DEF8: variants seen among roughly 807,000 people sequenced by gnomAD.
DEF8 encodes differentially expressed in FDCP 8 homolog.
A neutral mutation model predicts 59.1 loss-of-function variants in DEF8; 38 were observed. The observed-to-expected ratio is 0.64, with a 90% confidence interval of 0.50 to 0.84. DEF8 has a LOEUF of 0.84. DEF8 is among the 40% of genes least tolerant of loss of function. DEF8 has a pLI of 0.00. For missense variants in DEF8, 557 were observed against 615.2 expected (o/e 0.91, Z 1.00); for synonymous variants, 265 against 250.1 (o/e 1.06, Z -0.56).
rs767831730 is a variant in DEF8 at position 89,961,860 on chromosome 16, G to A, written c.803G>A (p.Arg268Gln). The A allele has an allele frequency of 3.2e-5, 51 of 1,599,836 alleles. 1 individual carries two copies. Among genetic ancestry groups the A allele is most frequent in the Non-Finnish European group, 1.0e-5 (12 of 1,171,142 alleles). Residue 268 changes from arginine (R) to glutamine (Q), a missense_variant, in exon 8 of 13, where the codon CGA becomes CAA. Coordinates refer to ENST00000563594, the MANE Select transcript of DEF8 (RefSeq NM_001242818.2). ...GTACACAACTGGGACTTTGAGCCTCGAAAGGTGGGGGTTGGAAGGTGGGGG... is the reference window on the plus strand; with the variant it reads ...GTACACAACTGGGACTTTGAGCCTCAAAAGGTGGGGGTTGGAAGGTGGGGG... ...RVVHNWDFEP[R>Q]KVSRCSMRYL...
intron 9 of DEF8, 57 bp from the exon 10 acceptor site, chr16:89,963,306 C>G (rs1003660854): frequency 2.0e-5 from 30 of 1,517,352 alleles, no homozygotes; most frequent in Non-Finnish European, 2.7e-5. Context: ...GCGGCCCACA[C>G]AGGGGCCGCC....
chr16:89,949,854 G>C (rs2031664921), intron 2 of DEF8, among the ~76,000 whole-genome samples: 1 of 152,206 alleles, frequency 6.6e-6, no homozygotes, highest in South Asian at 2.1e-4. Flanking sequence ...CCACATCTGG[G>C]TGCAGAACTG....
chr16:89,964,483 C>T lies in DEF8; in HGVS notation c.1161C>T (p.Gly387=), dbSNP rs1289886007. 6.3e-7 allele frequency: 1 copy of T among 1,595,128 alleles called. No homozygotes were observed. The highest frequency in any genetic ancestry group is 1.3e-5 in the African/African-American group (1 of 74,396). ...CCCCCCAGCGGTGCCAGGCCAAGGGCTTCGTGTGTGAGCTCTGCAGAGAGG... is the reference window on the plus strand; with the variant it reads ...CCCCCCAGCGGTGCCAGGCCAAGGGTTTCGTGTGTGAGCTCTGCAGAGAGG... ...KLDCERCQAK[G]FVCELCREGD... The change falls in exon 12 of 13, where the codon GGC becomes GGT. Residue 387 remains glycine, a synonymous_variant. Coordinates refer to ENST00000563594, the MANE Select transcript of DEF8 (RefSeq NM_001242818.2).
chr16:89,949,354 G>GGGCGA, intron 1 of DEF8, 63 bp from the exon 2 acceptor site: 1 of 1,387,332 alleles, frequency 7.2e-7, no homozygotes, highest in Non-Finnish European at 9.8e-7. Flanking sequence ...CCGGGAGACC[G>GGGCGA]GGCGAGCTCC....
chr16:89,959,194 G>A (rs761334551), intron 6 of DEF8, 39 bp downstream of exon 6: 18 of 1,613,278 alleles, frequency 1.1e-5, no homozygotes, highest in Middle Eastern at 1.7e-4. Flanking sequence ...GAATGAGAGA[G>A]ACCAAAGTTC....
chr16:89,952,223 C>T (rs1215906427), intron 2 of DEF8, among the ~76,000 whole-genome samples: 2 of 152,226 alleles, frequency 1.3e-5, no homozygotes, highest in Non-Finnish European at 2.9e-5. Flanking sequence ...TTGCATTGGG[C>T]CTGGCCGGAT....
At chr16:89,950,096 A>C in intron 2 of DEF8, 1 of 990,160 alleles carries the variant, frequency 1.0e-6, no homozygotes, top group African/African-American at 1.7e-5. Flanking sequence ...CCTAGAGTAC[A>C]GCTGCTGGGC....
At chr16:89,963,265 C>A in intron 9 of DEF8, 98 bp from the exon 10 acceptor site, 3 of 988,162 alleles carry the variant, frequency 3.0e-6, no homozygotes, top group Non-Finnish European at 1.5e-6. Context: ...GGGGAACCAA[C>A]CCCTCCTGGC....
Position 89,954,863 on chromosome 16 carries a change from C to T in DEF8, c.125-306C>T, listed in dbSNP as rs910002559. 3.9e-5 allele frequency among the ~76,000 whole-genome samples: 6 copies of T among 152,130 alleles called. No homozygotes were observed. The highest frequency in any genetic ancestry group is 5.9e-5 in the Non-Finnish European group (4 of 68,014). ...GGTTTTTCTCTCGCCCCCGTGGTCA[C>T]GCATGAGGTGTCCACCTTAGAAATG... is the stretch of plus-strand genomic sequence containing the variant. On this transcript the variant is annotated intron_variant, in intron 3 of 12. Coordinates refer to ENST00000563594, the MANE Select transcript of DEF8 (RefSeq NM_001242818.2). The surrounding 1 kb of genome is among the most constrained non-coding windows in gnomAD (Gnocchi z 4.3).
chr16:89,961,866 TG>T lies in DEF8; in HGVS notation c.807+7del, dbSNP rs1453055337. 1 of 1,582,280 alleles carries T rather than the reference TG, an allele frequency of 6.3e-7. No individual in the cohort carries two copies. Among genetic ancestry groups the T allele is most frequent in the Non-Finnish European group, 8.6e-7 (1 of 1,162,584 alleles). On this transcript the variant is annotated splice_donor_region_variant and intron_variant, in intron 8 of 12. Coordinates refer to ENST00000563594, the MANE Select transcript of DEF8 (RefSeq NM_001242818.2). ...AACTGGGACTTTGAGCCTCGAAAGG[TG>T]GGGGTTGGAAGGTGGGGGCATCCCC...
chr16:89,954,103 C>A lies in DEF8; in HGVS notation c.-10-140C>A. 2 of 851,268 alleles carry A rather than the reference C, an allele frequency of 2.3e-6. No individual in the cohort carries two copies. Among genetic ancestry groups the A allele is most frequent in the Admixed American group, 2.7e-5 (1 of 37,286 alleles). 52.7% of individuals were successfully genotyped at this position (851,268 alleles called of 1,614,324 possible). A position where few individuals can be genotyped will look rare whatever the true frequency, so the allele number is the denominator to read the frequency against. Reference sequence around the variant, plus strand: ...TTCAGGAAAAGGCTGAAGATCAAGGCTGTGGTGTGAGGACTACCCACTTTA... The same window carrying A: ...TTCAGGAAAAGGCTGAAGATCAAGGATGTGGTGTGAGGACTACCCACTTTA... On this transcript the variant is annotated intron_variant, in intron 2 of 12. Transcript: ENST00000563594. This position sits in a 1 kb window ranked among gnomAD's most constrained non-coding sequence, Gnocchi z 4.3.
chr16:89,967,077 G>T lies in DEF8; in HGVS notation c.*1114G>T. 2 of 389,502 alleles carry T rather than the reference G, an allele frequency of 5.1e-6. No individual in the cohort carries two copies. Among genetic ancestry groups the T allele is most frequent in the Non-Finnish European group, 9.1e-6 (2 of 220,844 alleles). The allele number at this position is 389,502 out of a possible 1,614,324, so 24.1% of individuals were successfully genotyped here. On this transcript the variant is annotated 3_prime_UTR_variant, in exon 13 of 13. Coordinates refer to ENST00000563594, the MANE Select transcript of DEF8 (RefSeq NM_001242818.2). ...CTGGGTGAGGGGACACTTGGCTTTG[G>T]TGTTTGCACTTTACAGATCCTGCGG...
At chr16:89,956,379 G>T (rs1285374309) in intron 4 of DEF8, among the ~76,000 whole-genome samples, 1 of 151,330 alleles carries the variant, frequency 6.6e-6, no homozygotes, top group East Asian at 2.0e-4. Flanking sequence ...AGAATCGCTT[G>T]AACCCGGGAG....
intron 8 of DEF8, 48 bp downstream of exon 8, chr16:89,961,912 A>G: frequency 1.3e-6 from 2 of 1,591,480 alleles, no homozygotes; most frequent in Non-Finnish European, 1.7e-6. Flanking sequence ...GAGAGCAGGA[A>G]GGGGGTTGGG....
In DEF8 at chr16:89,955,485, C is replaced by T. The variant is rs113764102; in HGVS notation, c.222+219C>T. Among the ~76,000 whole-genome samples the T allele has an allele frequency of 3.8e-3, 586 of 152,304 alleles. 6 individuals are homozygous for T. The highest frequency in any genetic ancestry group is 0.013 in the African/African-American group (557 of 41,574). On this transcript the variant is annotated intron_variant, in intron 4 of 12. Transcript: ENST00000563594. ...ACACCACAGACCCCCACCCTCAGAG[C>T]CTGAGTGAAGGCAGGTGGAGAGAGC... is the stretch of plus-strand genomic sequence containing the variant.
chr16:89,959,485 T>G (rs1198813920), intron 6 of DEF8: 1 of 627,962 alleles, frequency 1.6e-6, no homozygotes, highest in East Asian at 4.1e-5. Context: ...TTTTTGTTTT[T>G]GTTTGTTTTT....
At chr16:89,950,299 A>G (rs985360890) in intron 2 of DEF8, 136 of 985,394 alleles carry the variant, frequency 1.4e-4, no homozygotes, top group Non-Finnish European at 1.6e-4. Context: ...ATCATAAACA[A>G]GTCCTTAGCC....
At chr16:89,950,170 A>G in intron 2 of DEF8, 1 of 986,718 alleles carries the variant, frequency 1.0e-6, no homozygotes, top group Non-Finnish European at 1.2e-6. Context: ...TTTAAACACC[A>G]GGAGGTTTCC....
Position 89,954,905 on chromosome 16 carries a change from C to G in DEF8, c.125-264C>G, listed in dbSNP as rs995803374. Reference sequence around the variant, plus strand: ...TTAGAAATGGGATGTCTCTATAATGCTGTCTTGAGGACTTTTGGCACCGAG... The same window carrying G: ...TTAGAAATGGGATGTCTCTATAATGGTGTCTTGAGGACTTTTGGCACCGAG... On this transcript the variant is annotated intron_variant, in intron 3 of 12. Transcript: ENST00000563594. The surrounding 1 kb of genome is among the most constrained non-coding windows in gnomAD (Gnocchi z 4.3). Among the ~76,000 whole-genome samples, 8 of 152,168 alleles carry G rather than the reference C, an allele frequency of 5.3e-5. No homozygotes were observed. Among genetic ancestry groups the G allele is most frequent in the African/African-American group, 1.9e-4 (8 of 41,434 alleles).
Sources: allele counts gnomAD v4.1 joint callset (sites outside exome capture counted in the v4.1 genomes callset), GRCh38; gene constraint gnomAD v4.1.1; non-coding constraint Gnocchi (gnomAD v3.1); transcripts MANE v1.5; gene names NCBI Gene and HGNC (gene_info 2026-07-23, HGNC 2026-07-21).